The following LRRK2 variants were observed in gnomAD, a reference collection of about 807,000 sequenced individuals.
The protein encoded by LRRK2 is leucine-rich repeat serine/threonine-protein kinase 2.
LRRK2 carries 203 observed loss-of-function variants against 302.6 expected under a neutral mutation model. The ratio of observed to expected loss-of-function variants is 0.67; its 90% CI spans 0.60 to 0.75. The LOEUF is 0.75. Ranked by LOEUF, LRRK2 falls within the 30% of genes least tolerant of loss-of-function variation. The pLI, the probability that LRRK2 is intolerant of heterozygous loss-of-function variation, is 0.00. For missense variants in LRRK2, 2,830 were observed against 2,951.0 expected, an observed-to-expected ratio of 0.96 and a Z score of 0.95; for synonymous variants, 1,066 against 1,031.9, an observed-to-expected ratio of 1.03 and a Z score of -0.63.
intron 16 of LRRK2, among the ~76,000 whole-genome samples, chr12:40,277,364 C>G (rs772027131): frequency 4.3e-4 from 66 of 152,260 alleles, no homozygotes; most frequent in Non-Finnish European, 8.4e-4. Flanking sequence ...CAGCGCTTCT[C>G]AACTACACTC....
intron 3 of LRRK2, among the ~76,000 whole-genome samples, chr12:40,235,283 A>G (rs1284423100): frequency 6.6e-6 from 1 of 152,178 alleles, no homozygotes; most frequent in Non-Finnish European, 1.5e-5. Context: ...CAGCCTAGGC[A>G]AAATAGCAAA....
Position 40,346,822 on chromosome 12 carries a change from G to T in LRRK2, c.6179G>T (p.Gly2060Val). 1.2e-6 allele frequency: 2 copies of T among 1,613,926 alleles called. No homozygotes were observed. The highest frequency in any genetic ancestry group is 1.7e-6 in the Non-Finnish European group (2 of 1,179,908). Residue 2060 changes from glycine (G) to valine (V), a missense_variant, in exon 42 of 51, where the codon GGT becomes GTT. This residue lies in a region of LRRK2 where 253 missense variants were observed against 346.7 expected (regional missense o/e 0.73). Transcript: ENST00000298910. ...YNQQADVYSF[G>V]LLLYDILTTG... ...CAACAGGCTGATGTTTATTCATTTGGTTTACTACTCTATGACATTTTGACA... is the reference window on the plus strand; with the variant it reads ...CAACAGGCTGATGTTTATTCATTTGTTTTACTACTCTATGACATTTTGACA...
At chr12:40,320,674 CATTG>C (rs1229851516) in intron 34 of LRRK2, among the ~76,000 whole-genome samples, 4 of 152,042 alleles carry the variant, frequency 2.6e-5, no homozygotes, top group South Asian at 2.1e-4. Context: ...GTGCAAATTA[CATTG>C]ATTGATGGAT....
chr12:40,234,833 T>C, intron 3 of LRRK2, among the ~76,000 whole-genome samples: 1 of 152,282 alleles, frequency 6.6e-6, no homozygotes, highest in South Asian at 2.1e-4. Flanking sequence ...ATTTATAAAT[T>C]TACATCATAT....
At chr12:40,298,745 C>A (rs1384718939) in intron 24 of LRRK2, among the ~76,000 whole-genome samples, 1 of 111,568 alleles carries the variant, frequency 9.0e-6, no homozygotes. Flanking sequence ...GCACTCCAGC[C>A]TGGGTGACAG....
Position 40,322,142 on chromosome 12 carries a change from G to A in LRRK2, c.5278G>A (p.Glu1760Lys). 6.2e-7 allele frequency: 1 copy of A among 1,612,620 alleles called. No individual in the cohort carries two copies. Among genetic ancestry groups the A allele is most frequent in the Non-Finnish European group, 8.5e-7 (1 of 1,179,260 alleles). Residue 1760 changes from glutamate to lysine, a missense_variant, in exon 36 of 51, where the codon GAG becomes AAG. By Grantham distance (56) the Glu-to-Lys change is moderately conservative (BLOSUM62 1). Around this residue, in one of 3 missense-constraint regions of LRRK2, gnomAD observed 2,121 missense variants for 2,148.0 expected, o/e 0.99. Coordinates refer to ENST00000298910, the MANE Select transcript of LRRK2 (RefSeq NM_198578.4). ...ATCTGAAGTCTTAGACAATCATCCA[G>A]AGAGTTTCTTAAAAATTACAGTTCC... ...VGSEVLDNHP[E>K]SFLKITVPSC...
intron 31 of LRRK2, chr12:40,312,894 A>T (rs985588626): frequency 3.3e-5 from 5 of 152,024 alleles, no homozygotes. Context: ...AAGAGAGGGA[A>T]CATGAAAAGT....
intron 39 of LRRK2, 149 bp from the exon 40 acceptor site, chr12:40,334,817 GA>G (rs999107324): frequency 4.5e-5 from 42 of 927,170 alleles, no homozygotes; most frequent in African/African-American, 1.8e-4. Flanking sequence ...GAAAATACGG[GA>G]AAAAAAACTC....
chr12:40,275,103 C>G, intron 16 of LRRK2, 110 bp downstream of exon 16: 4 of 1,182,160 alleles, frequency 3.4e-6, no homozygotes, highest in Non-Finnish European at 5.0e-6. Context: ...TAATGGAAAA[C>G]CATTTATCCT....
intron 18 of LRRK2, among the ~76,000 whole-genome samples, chr12:40,279,194 A>T (rs924010864): frequency 2.7e-5 from 4 of 150,266 alleles, no homozygotes; most frequent in Admixed American, 2.0e-4. Flanking sequence ...AATAATCAAT[A>T]AAGTACTATG....
rs139746572 is a variant in LRRK2, at chr12:40,335,008, A to T, written c.5799A>T (p.Ile1933=). 328 of 1,613,934 alleles carry T rather than the reference A, an allele frequency of 2.0e-4. No individual in the cohort carries two copies. Among genetic ancestry groups the T allele is most frequent in the Non-Finnish European group, 2.7e-4 (313 of 1,179,996 alleles). The change falls in exon 40 of 51, where the codon ATA becomes ATT. Residue 1933 remains isoleucine, a synonymous_variant. Coordinates refer to ENST00000298910, the MANE Select transcript of LRRK2 (RefSeq NM_198578.4). ...GCCACCTCCACCACCCCAGTTTGATATCTTTGCTGGCAGCTGGGATTCGTC... is the reference window on the plus strand; with the variant it reads ...GCCACCTCCACCACCCCAGTTTGATTTCTTTGCTGGCAGCTGGGATTCGTC... ...VLCHLHHPSL[I]SLLAAGIRPR...
chr12:40,225,308 T>G (rs1940809770), intron 1 of LRRK2, 26 bp downstream of exon 1: 2 of 1,612,702 alleles, frequency 1.2e-6, no homozygotes, highest in African/African-American at 1.3e-5. Context: ...TAAACTGTGC[T>G]TTTATTTTTG....
chr12:40,362,020 G>A (rs1592346470), intron 47 of LRRK2, among the ~76,000 whole-genome samples: 1 of 152,112 alleles, frequency 6.6e-6, no homozygotes, highest in Middle Eastern at 3.4e-3. Flanking sequence ...AAATTATTTA[G>A]CATTTGTACA....
chr12:40,234,631 C>T (rs11175666), intron 3 of LRRK2, among the ~76,000 whole-genome samples: 14,536 of 151,882 alleles, frequency 0.096, 773 homozygotes, highest in South Asian at 0.14. Flanking sequence ...CCCGCCTCGG[C>T]GTCCCAAAGT....
At chr12:40,298,796 T>TATATATAAAA (rs1485268496) in intron 24 of LRRK2, among the ~76,000 whole-genome samples, 18 of 117,386 alleles carry the variant, frequency 1.5e-4, no homozygotes, top group Non-Finnish European at 3.5e-5. Context: ...TATATATATA[T>TATATATAAAA]ATAATATATG....
intron 31 of LRRK2, among the ~76,000 whole-genome samples, chr12:40,313,326 T>C (rs1007276067): frequency 4.6e-5 from 7 of 152,038 alleles, no homozygotes; most frequent in Non-Finnish European, 1.0e-4. Context: ...TTTATATATT[T>C]CTCATTTTGT....
At chr12:40,244,419 AT>A (rs566297405) in intron 7 of LRRK2, among the ~76,000 whole-genome samples, 1 of 152,180 alleles carries the variant, frequency 6.6e-6, no homozygotes, top group African/African-American at 2.4e-5. Context: ...ATCCATGGAC[AT>A]TTGGATTCTT....
rs1229561435 is a variant in LRRK2 at position 40,287,488 on chromosome 12, G to C, written c.2638G>C (p.Asp880His). ...SKFDEWTFIP[D>H]SSMDSVFAQS... ...ATTTGATGAATGGACCTTTATTCCT[G>C]ACTCTTCTATGGACAGTGTGTTTGC... The change falls in exon 20 of 51, where the codon GAC becomes CAC. Residue 880 changes from aspartate to histidine, a missense_variant. Around this residue, in one of 3 missense-constraint regions of LRRK2, gnomAD observed 2,121 missense variants for 2,148.0 expected, o/e 0.99. Transcript: ENST00000298910. 6.2e-7 allele frequency: 1 copy of C among 1,612,596 alleles called. No homozygotes were observed. The highest frequency in any genetic ancestry group is 8.5e-7 in the Non-Finnish European group (1 of 1,179,064).
At chr12:40,262,535 A>G (rs937891936) in intron 13 of LRRK2, among the ~76,000 whole-genome samples, 2 of 152,114 alleles carry the variant, frequency 1.3e-5, no homozygotes, top group African/African-American at 4.8e-5. Context: ...AGAATCCTTA[A>G]GGTATCGGGA....
Sources: allele counts gnomAD v4.1 joint callset (sites outside exome capture counted in the v4.1 genomes callset), GRCh38; gene constraint gnomAD v4.1.1; regional missense constraint gnomAD v4.1.1; transcripts MANE v1.5; gene names NCBI Gene and HGNC (gene_info 2026-07-23, HGNC 2026-07-21).